The following AGPAT5 variants were observed in gnomAD, a reference collection of about 807,000 sequenced individuals.
The protein encoded by AGPAT5 is 1-acylglycerol-3-phosphate O-acyltransferase 5, also known as 1-acyl-sn-glycerol-3-phosphate acyltransferase epsilon.
AGPAT5 carries 46 observed loss-of-function variants against 45.6 expected under a neutral mutation model. The ratio of observed to expected loss-of-function variants is 1.01; its 90% CI spans 0.80 to 1.29. The LOEUF is 1.29. Among genes scored for constraint, AGPAT5 ranks in the 50% most tolerant of loss-of-function variants. AGPAT5 has a pLI of 0.00. For missense variants in AGPAT5, 673 were observed against 450.7 expected, an observed-to-expected ratio of 1.49 and a Z score of -4.47; for synonymous variants, 272 against 167.0, an observed-to-expected ratio of 1.63 and a Z score of -4.85.
At chr8:6,721,539 G>C (rs1226509447) in intron 1 of AGPAT5, among the ~76,000 whole-genome samples, 1 of 152,314 alleles carries the variant, frequency 6.6e-6, no homozygotes, top group East Asian at 1.9e-4. Flanking sequence ...ATCCCAGGAG[G>C]AGTAGTTACT....
chr8:6,756,776 C>G (rs1801854316), intron 7 of AGPAT5, among the ~76,000 whole-genome samples: 2 of 152,140 alleles, frequency 1.3e-5, no homozygotes, highest in African/African-American at 4.8e-5. Context: ...CTAAGAACCG[C>G]TGGTCCTATC....
chr8:6,747,921 A>T, intron 6 of AGPAT5, 93 bp downstream of exon 6: 1 of 1,344,400 alleles, frequency 7.4e-7, no homozygotes, highest in Non-Finnish European at 1.0e-6. Flanking sequence ...GGTTAAGTGT[A>T]CTTTTTTCCT....
At chr8:6,742,607 T>G (rs1327439440) in intron 5 of AGPAT5, among the ~76,000 whole-genome samples, 2 of 152,234 alleles carry the variant, frequency 1.3e-5, no homozygotes, top group Non-Finnish European at 2.9e-5. Context: ...CTGTCCAGTG[T>G]GCTGGCTCCT....
chr8:6,712,945 T>A (rs767001622), intron 1 of AGPAT5, among the ~76,000 whole-genome samples: 6 of 152,186 alleles, frequency 3.9e-5, no homozygotes, highest in Non-Finnish European at 8.8e-5. Context: ...CACTGAAAAC[T>A]GATCATTGAA....
chr8:6,746,625 C>T (rs944772292), intron 5 of AGPAT5, among the ~76,000 whole-genome samples: 2 of 152,128 alleles, frequency 1.3e-5, no homozygotes, highest in Non-Finnish European at 2.9e-5. Context: ...ATTTAACTGC[C>T]CCTGCCCTGG....
intron 4 of AGPAT5, among the ~76,000 whole-genome samples, chr8:6,737,831 A>G (rs1478099899): frequency 6.6e-6 from 1 of 152,174 alleles, no homozygotes; most frequent in Non-Finnish European, 1.5e-5. Context: ...TGCCACTTCA[A>G]TTTTATGTTA....
chr8:6,716,572 C>T (rs7357402), intron 1 of AGPAT5, among the ~76,000 whole-genome samples: 3,286 of 152,068 alleles, frequency 0.022, 120 homozygotes, highest in African/African-American at 0.075. Context: ...CGGAGGCTCA[C>T]GCTGGTAATC....
At position 6,760,284 on chromosome 8, in the gene AGPAT5, G is replaced by C. The variant is rs1280648367; in HGVS notation, c.*2896G>C. Among the ~76,000 whole-genome samples, 2 of 152,116 alleles carry C rather than the reference G, an allele frequency of 1.3e-5. No individual in the cohort carries two copies. Among genetic ancestry groups the C allele is most frequent in the Non-Finnish European group, 2.9e-5 (2 of 68,022 alleles). On this transcript the variant is annotated 3_prime_UTR_variant, in exon 8 of 8. Transcript: ENST00000285518. ...GGCGTACACTGAGTAGTTTGTCCCA[G>C]CTACTCGGGAGGGTGAGGTGGGAGG...
At chr8:6,744,041 A>G (rs1240137966) in intron 5 of AGPAT5, among the ~76,000 whole-genome samples, 1 of 152,128 alleles carries the variant, frequency 6.6e-6, no homozygotes, top group African/African-American at 2.4e-5. Context: ...AATTATTTTT[A>G]TGTCTCAAAC....
intron 1 of AGPAT5, among the ~76,000 whole-genome samples, chr8:6,711,318 A>C (rs1013619635): frequency 6.6e-6 from 1 of 152,194 alleles, no homozygotes; most frequent in East Asian, 1.9e-4. Context: ...TTTCTTCCCC[A>C]ATTTCACTAC....
chr8:6,753,871 C>T (rs1308307253), intron 6 of AGPAT5, among the ~76,000 whole-genome samples: 1 of 152,176 alleles, frequency 6.6e-6, no homozygotes, highest in Non-Finnish European at 1.5e-5. Context: ...CACCTAAATG[C>T]TGCATGTTAC....
chr8:6,745,906 A>C (rs1042965642), intron 5 of AGPAT5: 2 of 151,886 alleles, frequency 1.3e-5, no homozygotes, highest in Non-Finnish European at 1.5e-5. Context: ...TTGTTCCTTC[A>C]GCCTCAGTAT....
At chr8:6,709,091 G>C in intron 1 of AGPAT5, 1 of 654,504 alleles carries the variant, frequency 1.5e-6, no homozygotes, top group East Asian at 2.8e-5. Context: ...TGGCTGCGTC[G>C]TCCTGAGGCT....
At chr8:6,746,145 G>A (rs987733272) in intron 5 of AGPAT5, 23 of 151,950 alleles carry the variant, frequency 1.5e-4, no homozygotes, top group African/African-American at 5.3e-4. Flanking sequence ...GTCCTCCTGA[G>A]TAGTTAGGAC....
At chr8:6,731,477 A>G (rs897999617) in intron 3 of AGPAT5, among the ~76,000 whole-genome samples, 1 of 152,140 alleles carries the variant, frequency 6.6e-6, no homozygotes, top group Admixed American at 6.5e-5. Context: ...TATAAATGCC[A>G]TGTAAATGGT....
chr8:6,734,959 CTCT>C (rs1413920686), intron 4 of AGPAT5, among the ~76,000 whole-genome samples: 2 of 152,222 alleles, frequency 1.3e-5, no homozygotes, highest in African/African-American at 4.8e-5. Context: ...TGGAGTGGCT[CTCT>C]TCTTTATGCC....
chr8:6,722,299 T>G (rs914848483), intron 1 of AGPAT5, among the ~76,000 whole-genome samples: 1 of 152,144 alleles, frequency 6.6e-6, no homozygotes, highest in African/African-American at 2.4e-5. Context: ...CTCAGGTGCC[T>G]TCAGCTCAAA....
chr8:6,715,552 T>A (rs932149484), intron 1 of AGPAT5, among the ~76,000 whole-genome samples: 11 of 152,168 alleles, frequency 7.2e-5, no homozygotes, highest in African/African-American at 2.2e-4. Flanking sequence ...TTCTTCCTCT[T>A]TTACAGACAA....
chr8:6,728,201 C>T (rs997775164), intron 2 of AGPAT5, among the ~76,000 whole-genome samples: 2 of 152,200 alleles, frequency 1.3e-5, no homozygotes. Context: ...TCTGCTTTGG[C>T]TTGATTGCCA....
Sources: allele counts gnomAD v4.1 joint callset (sites outside exome capture counted in the v4.1 genomes callset), GRCh38; gene constraint gnomAD v4.1.1; transcripts MANE v1.5; gene names NCBI Gene and HGNC (gene_info 2026-07-23, HGNC 2026-07-21).